The following HCN1 variants were observed in gnomAD, a reference collection of about 807,000 sequenced individuals.
The protein encoded by HCN1 is hyperpolarization activated cyclic nucleotide gated potassium channel 1.
HCN1 carries 13 observed loss-of-function variants against 78.9 expected under a neutral mutation model. The observed-to-expected ratio is 0.16, with a 90% CI of 0.11 to 0.26. HCN1 has a LOEUF of 0.26. Among genes scored for constraint, HCN1 ranks in the 10% least tolerant of loss-of-function variants. The pLI, the probability that HCN1 is intolerant of heterozygous loss-of-function variation, is 1.00. For missense variants in HCN1, 810 were observed against 1,154.3 expected, an observed-to-expected ratio of 0.70 and a Z score of 4.32; for synonymous variants, 552 against 455.5, an observed-to-expected ratio of 1.21 and a Z score of -2.70.
intron 1 of HCN1, among the ~76,000 whole-genome samples, chr5:45,645,985 T>C (rs905303304): frequency 7.9e-5 from 12 of 152,044 alleles, no homozygotes; most frequent in Non-Finnish European, 1.5e-4. Context: ...TAAGAAAGCC[T>C]TTGGGAAGGC....
chr5:45,609,488 A>T (rs1744790525), intron 2 of HCN1, among the ~76,000 whole-genome samples: 1 of 152,108 alleles, frequency 6.6e-6, no homozygotes, highest in Admixed American at 6.6e-5. Flanking sequence ...CTGTCTCACA[A>T]TAGTAGGATA....
intron 7 of HCN1, among the ~76,000 whole-genome samples, chr5:45,266,267 G>T (rs778906855): frequency 4.6e-5 from 7 of 151,960 alleles, no homozygotes; most frequent in Admixed American, 6.6e-5. Context: ...GCGAGGTAAA[G>T]CATCTATGTA....
In HCN1 at chr5:45,688,981, C is replaced by T. The variant is rs150353461; in HGVS notation, c.425+6688G>A. Reference sequence around the variant, plus strand: ...GGATTAGTGGTTGCTTAAGGCTGAGCGGGAGGGCGGGAGAGGAGAGAAAGT... The same window carrying T: ...GGATTAGTGGTTGCTTAAGGCTGAGTGGGAGGGCGGGAGAGGAGAGAAAGT... On this transcript the variant is annotated intron_variant, in intron 1 of 7. Transcript: ENST00000303230. Among the ~76,000 whole-genome samples, 792 of 151,834 alleles carry T rather than the reference C, an allele frequency of 5.2e-3. 9 individuals carry two copies. The highest frequency in any genetic ancestry group is 0.017 in the African/African-American group (698 of 41,430).
rs992726333 is a variant in HCN1, at chr5:45,690,110, A to G, written c.425+5559T>C. 5.9e-5 allele frequency among the ~76,000 whole-genome samples: 9 copies of G among 152,202 alleles called. 1 individual carries two copies. In the South Asian group the frequency reaches 1.9e-3, roughly 32 times the overall value. On this transcript the variant is annotated intron_variant, in intron 1 of 7. Transcript: ENST00000303230. ...AGCACTTTTTAAAAAATACTGAATA[A>G]CTGTATACAACAAAGCTGATAGTCT...
intron 2 of HCN1, among the ~76,000 whole-genome samples, chr5:45,622,227 T>A (rs1745081753): frequency 6.6e-6 from 1 of 151,452 alleles, no homozygotes. Context: ...GGGACCCAAT[T>A]TTAAATGGAT....
At chr5:45,657,572 T>C (rs960240028) in intron 1 of HCN1, among the ~76,000 whole-genome samples, 41 of 152,164 alleles carry the variant, frequency 2.7e-4, no homozygotes, top group African/African-American at 9.4e-4. Context: ...AATTTGCACA[T>C]TTTGGCTCAC....
chr5:45,656,326 A>T (rs746240472), intron 1 of HCN1, among the ~76,000 whole-genome samples: 3 of 152,172 alleles, frequency 2.0e-5, no homozygotes, highest in Non-Finnish European at 2.9e-5. Flanking sequence ...GATACAGCCT[A>T]ATCCTCAAGA....
At chr5:45,657,031 G>A (rs1745775420) in intron 1 of HCN1, among the ~76,000 whole-genome samples, 2 of 152,198 alleles carry the variant, frequency 1.3e-5, no homozygotes, top group South Asian at 4.1e-4. Context: ...GGAGCAGAAT[G>A]GGTGATGTGT....
chr5:45,524,838 A>G (rs1439352958), intron 2 of HCN1, among the ~76,000 whole-genome samples: 1 of 152,092 alleles, frequency 6.6e-6, no homozygotes, highest in Non-Finnish European at 1.5e-5. Flanking sequence ...TCCTAATTGA[A>G]TACCCTTTAT....
chr5:45,648,092 G>A (rs1745585602), intron 1 of HCN1, among the ~76,000 whole-genome samples: 1 of 152,112 alleles, frequency 6.6e-6, no homozygotes, highest in African/African-American at 2.4e-5. Flanking sequence ...TAATCCCAGG[G>A]CCTGGCATAT....
At chr5:45,497,955 G>C (rs1371862172) in intron 2 of HCN1, among the ~76,000 whole-genome samples, 1 of 152,044 alleles carries the variant, frequency 6.6e-6, no homozygotes, top group African/African-American at 2.4e-5. Context: ...CGAGAGATCC[G>C]CTGTTAGTCT....
Position 45,257,523 on chromosome 5 carries a change from G to A in HCN1, c.*4398C>T, listed in dbSNP as rs938376357. ...CTTTAAATAATTTTCAAGGTGGGAT[G>A]CGGGGAGTGTCAGCAAGGCTTCTCT... On this transcript the variant is annotated 3_prime_UTR_variant, in exon 8 of 8. Transcript: ENST00000303230. 1 of 152,154 alleles carries A rather than the reference G, an allele frequency of 6.6e-6. No individual in the cohort carries two copies. The highest frequency in any genetic ancestry group is 6.5e-5 in the Admixed American group (1 of 15,274). 9.4% of individuals were successfully genotyped at this position (152,154 alleles called of 1,614,324 possible). A position where few individuals can be genotyped will look rare whatever the true frequency, so the allele number is the denominator to read the frequency against.
chr5:45,292,308 T>C (rs2111886765), intron 6 of HCN1, among the ~76,000 whole-genome samples: 1 of 152,116 alleles, frequency 6.6e-6, no homozygotes, highest in African/African-American at 2.4e-5. Flanking sequence ...TTTAAAATGA[T>C]TATAATAAAT....
intron 6 of HCN1, among the ~76,000 whole-genome samples, chr5:45,295,072 C>T (rs1235947248): frequency 6.6e-6 from 1 of 151,902 alleles, no homozygotes; most frequent in Non-Finnish European, 1.5e-5. Flanking sequence ...AAAACCATCA[C>T]TCCTTGAGCA....
In HCN1 at chr5:45,343,869, A is replaced by T. The variant is rs143334676; in HGVS notation, c.1377+9231T>A. On this transcript the variant is annotated intron_variant, in intron 5 of 7. Coordinates refer to ENST00000303230, the MANE Select transcript of HCN1 (RefSeq NM_021072.4). ...CCAAAAAAAAATTAAAAATAAAAAA[A>T]ATATATATATTGGGAGAGATTCAGG... Among the ~76,000 whole-genome samples, 983 of 152,050 alleles carry T rather than the reference A, an allele frequency of 6.5e-3. 15 individuals carry two copies. The highest frequency in any genetic ancestry group is 0.017 in the African/African-American group (717 of 41,522).
chr5:45,410,518 A>G (rs982971581), intron 3 of HCN1, among the ~76,000 whole-genome samples: 19 of 152,026 alleles, frequency 1.2e-4, no homozygotes, highest in Admixed American at 1.1e-3. Flanking sequence ...AGTTAAAACT[A>G]CTCCCTTACT....
chr5:45,337,562 T>C (rs1200289894), intron 5 of HCN1, among the ~76,000 whole-genome samples: 1 of 152,160 alleles, frequency 6.6e-6, no homozygotes, highest in Non-Finnish European at 1.5e-5. Flanking sequence ...TACTTATTAA[T>C]TTTTTCCACG....
intron 2 of HCN1, among the ~76,000 whole-genome samples, chr5:45,497,480 C>G (rs542133168): frequency 1.3e-5 from 2 of 152,060 alleles, no homozygotes; most frequent in Non-Finnish European, 2.9e-5. Context: ...CTCTTTTGAT[C>G]TTTGTTGGTT....
intron 4 of HCN1, among the ~76,000 whole-genome samples, chr5:45,376,380 A>C (rs1226095599): frequency 6.9e-6 from 1 of 144,072 alleles, no homozygotes; most frequent in East Asian, 2.0e-4. Context: ...AGAGAAAATG[A>C]CTAGAGCTGA....
Sources: allele counts gnomAD v4.1 joint callset (sites outside exome capture counted in the v4.1 genomes callset), GRCh38; gene constraint gnomAD v4.1.1; transcripts MANE v1.5; gene names NCBI Gene and HGNC (gene_info 2026-07-23, HGNC 2026-07-21).